TNPO3: variants seen among roughly 807,000 people sequenced by gnomAD.
TNPO3 encodes the protein transportin-3.
In TNPO3, 65 loss-of-function variants were observed where a neutral mutation model predicts 122.8. The observed-to-expected ratio is 0.53, with a 90% CI of 0.43 to 0.65. The LOEUF is 0.65. TNPO3 is among the 30% of genes least tolerant of loss of function. TNPO3 has a pLI of 0.00. For synonymous variants in TNPO3, 372 were observed against 411.2 expected, an observed-to-expected ratio of 0.90 and a Z score of 1.15; for missense variants, 850 against 1,136.7, an observed-to-expected ratio of 0.75 and a Z score of 3.63.
intron 21 of TNPO3, among the ~76,000 whole-genome samples, chr7:128,965,752 TA>T (rs907579534): frequency 1.3e-5 from 2 of 152,202 alleles, no homozygotes; most frequent in African/African-American, 4.8e-5. Flanking sequence ...ATTTAGCCTT[TA>T]AATGGAAGAA....
intron 1 of TNPO3, among the ~76,000 whole-genome samples, chr7:129,051,445 C>A (rs990678757): frequency 1.3e-5 from 2 of 151,300 alleles, no homozygotes; most frequent in Non-Finnish European, 1.5e-5. Flanking sequence ...AACTCCTGGG[C>A]TCAAGGGATC....
chr7:128,993,954 T>G, intron 8 of TNPO3, 40 bp from the exon 9 acceptor site: 1 of 1,559,400 alleles, frequency 6.4e-7, no homozygotes, highest in Non-Finnish European at 8.8e-7. Context: ...TTAAACTCAC[T>G]GCGGCTTTCA....
intron 1 of TNPO3, among the ~76,000 whole-genome samples, chr7:129,023,288 T>C (rs1804748309): frequency 1.3e-5 from 2 of 152,062 alleles, no homozygotes; most frequent in Non-Finnish European, 2.9e-5. Flanking sequence ...ATGAGGTATT[T>C]TACCTTTAAG....
chr7:129,034,627 C>T (rs145696656), intron 1 of TNPO3, among the ~76,000 whole-genome samples: 6,708 of 151,988 alleles, frequency 0.044, 200 homozygotes, highest in Middle Eastern at 0.097. Context: ...CGGTGGCTCA[C>T]GCCTGTAATC....
chr7:128,983,156 T>C (rs1256533388), intron 13 of TNPO3, among the ~76,000 whole-genome samples: 1 of 152,106 alleles, frequency 6.6e-6, no homozygotes, highest in Non-Finnish European at 1.5e-5. Flanking sequence ...GGAGTTTAGG[T>C]GCAAGTGGCC....
At chr7:129,000,824 T>G (rs1007916760) in intron 6 of TNPO3, among the ~76,000 whole-genome samples, 1 of 152,240 alleles carries the variant, frequency 6.6e-6, no homozygotes, top group African/African-American at 2.4e-5. Context: ...ACTTGATATT[T>G]TAAAATTTGT....
At chr7:128,994,412 C>A (rs892232856) in intron 8 of TNPO3, among the ~76,000 whole-genome samples, 1 of 152,024 alleles carries the variant, frequency 6.6e-6, no homozygotes, top group Non-Finnish European at 1.5e-5. Context: ...CCCACCTCGA[C>A]CTCCCAAAGT....
intron 1 of TNPO3, among the ~76,000 whole-genome samples, chr7:129,048,320 G>C (rs1175192884): frequency 6.6e-6 from 1 of 152,134 alleles, no homozygotes; most frequent in East Asian, 1.9e-4. Flanking sequence ...CTTAAGGCCA[G>C]GAGTTTGAGA....
intron 1 of TNPO3, among the ~76,000 whole-genome samples, chr7:129,049,841 G>C (rs888907145): frequency 1.3e-5 from 2 of 152,136 alleles, no homozygotes; most frequent in African/African-American, 2.4e-5. Context: ...GAAGGCAAGG[G>C]ACAAACTATT....
intron 4 of TNPO3, among the ~76,000 whole-genome samples, chr7:129,007,114 T>C (rs1488861285): frequency 6.6e-6 from 1 of 152,182 alleles, no homozygotes; most frequent in African/African-American, 2.4e-5. Context: ...CAGGCACTGT[T>C]TTAAGAGCTT....
Position 129,002,997 on chromosome 7 carries a change from G to A in TNPO3, c.697-1763C>T, listed in dbSNP as rs577038862. Among the ~76,000 whole-genome samples, 776 of 132,324 alleles carry A rather than the reference G, an allele frequency of 5.9e-3. 11 individuals are homozygous for A. The highest frequency in any genetic ancestry group is 0.021 in the African/African-American group (741 of 34,670). 86.8% of individuals were successfully genotyped at this position (132,324 alleles called of 152,430 possible). On this transcript the variant is annotated intron_variant, in intron 5 of 22. Coordinates refer to ENST00000265388, the MANE Select transcript of TNPO3 (RefSeq NM_012470.4). ...AGAGCTTGCAGTGAGCCAAGATGGCGCCACTGCACTCCAGCCCCGGCGACA... is the reference window on the plus strand; with the variant it reads ...AGAGCTTGCAGTGAGCCAAGATGGCACCACTGCACTCCAGCCCCGGCGACA...
Position 128,986,888 on chromosome 7 carries a change from A to G in TNPO3, c.1531T>C (p.Cys511Arg), listed in dbSNP as rs886044027. The change falls in exon 12 of 23, where the codon TGT (cysteine) becomes CGT (arginine). Residue 511 changes from cysteine (C) to arginine (R), a missense_variant. Coordinates refer to ENST00000265388, the MANE Select transcript of TNPO3 (RefSeq NM_012470.4). The stretch of plus-strand genomic sequence containing the variant: ...GCAGCAGAAGCCAGGGGCTTTTCAC[A>G]CAGGCCTTTCATCAAATAGCCCAAC... The part of the protein sequence containing the change: ...PVLGYLMKGL[C>R]EKPLASAAAK... The G allele has an allele frequency of 7.4e-6, 12 of 1,613,550 alleles. No homozygotes were observed. The highest frequency in any genetic ancestry group is 1.0e-5 in the Non-Finnish European group (12 of 1,179,874).
chr7:129,018,190 A>AAGAC, intron 1 of TNPO3, 33 bp from the exon 2 acceptor site: 1 of 1,600,136 alleles, frequency 6.2e-7, no homozygotes, highest in Non-Finnish European at 8.5e-7. Flanking sequence ...TGTCTTAAAG[A>AAGAC]AGACTACTTT....
intron 7 of TNPO3, 66 bp downstream of exon 7, chr7:129,000,363 T>C: frequency 1.4e-6 from 2 of 1,416,724 alleles, no homozygotes; most frequent in African/African-American, 1.4e-5. Flanking sequence ...CACGAGGTAA[T>C]GAAATATAGA....
intron 21 of TNPO3, among the ~76,000 whole-genome samples, chr7:128,959,252 G>A (rs1467363989): frequency 2.0e-5 from 3 of 152,210 alleles, no homozygotes; most frequent in African/African-American, 7.2e-5. Context: ...AAGGGACTAG[G>A]ATAACAGAAA....
At chr7:129,006,036 G>A (rs542843533) in intron 4 of TNPO3, among the ~76,000 whole-genome samples, 1 of 152,068 alleles carries the variant, frequency 6.6e-6, no homozygotes, top group South Asian at 2.1e-4. Flanking sequence ...GCCCACCTTG[G>A]CCTCCCAAGG....
At chr7:128,974,663 C>T (rs1245845093) in intron 18 of TNPO3, among the ~76,000 whole-genome samples, 1 of 152,182 alleles carries the variant, frequency 6.6e-6, no homozygotes, top group East Asian at 1.9e-4. Flanking sequence ...GGCAGGAACT[C>T]AGCTCCTTTA....
chr7:128,969,887 C>T (rs1042703299), intron 20 of TNPO3, among the ~76,000 whole-genome samples: 2 of 152,234 alleles, frequency 1.3e-5, no homozygotes, highest in Non-Finnish European at 2.9e-5. Context: ...GACAGCCACA[C>T]AACTGAATTC....
At chr7:128,978,686 C>T (rs1322674697) in intron 16 of TNPO3, among the ~76,000 whole-genome samples, 4 of 152,100 alleles carry the variant, frequency 2.6e-5, no homozygotes, top group Non-Finnish European at 5.9e-5. Context: ...GAGATGGAGT[C>T]TTGCTCTGTC....
Sources: allele counts gnomAD v4.1 joint callset (sites outside exome capture counted in the v4.1 genomes callset), GRCh38; gene constraint gnomAD v4.1.1; transcripts MANE v1.5; gene names NCBI Gene and HGNC (gene_info 2026-07-23, HGNC 2026-07-21).